ANKS1B: variants seen among roughly 807,000 people sequenced by gnomAD.
The protein encoded by ANKS1B is ankyrin repeat and sterile alpha motif domain-containing protein 1B.
In ANKS1B, 36 loss-of-function variants were observed where a neutral mutation model predicts 148.3. The observed-to-expected ratio is 0.24, with a 90% CI of 0.19 to 0.32. ANKS1B has a LOEUF of 0.32. ANKS1B is among the 10% of genes least tolerant of loss of function. ANKS1B has a pLI of 1.00. For missense variants in ANKS1B, 1,157 were observed against 1,542.6 expected, an observed-to-expected ratio of 0.75 and a Z score of 4.19; for synonymous variants, 542 against 560.8, an observed-to-expected ratio of 0.97 and a Z score of 0.47.
chr12:99,664,782 T>C (rs2098497755), intron 8 of ANKS1B, among the ~76,000 whole-genome samples: 3 of 152,196 alleles, frequency 2.0e-5, no homozygotes. Context: ...ATGTTTGGCA[T>C]AAGTTTTCTG....
intron 17 of ANKS1B, among the ~76,000 whole-genome samples, chr12:99,039,367 C>A (rs1282727565): frequency 6.6e-6 from 1 of 152,198 alleles, no homozygotes; most frequent in Non-Finnish European, 1.5e-5. Context: ...CTTTCTTTCC[C>A]ATTCCTCCCC....
At chr12:99,542,237 T>TA (rs1326627214) in intron 9 of ANKS1B, among the ~76,000 whole-genome samples, 3 of 152,044 alleles carry the variant, frequency 2.0e-5, no homozygotes, top group Non-Finnish European at 1.5e-5. Flanking sequence ...AGGACAATAC[T>TA]AAAAAAACCA....
chr12:99,357,024 G>A (rs2092054912), intron 12 of ANKS1B, among the ~76,000 whole-genome samples: 1 of 151,438 alleles, frequency 6.6e-6, no homozygotes, highest in Admixed American at 6.6e-5. Context: ...TAGGTGTACA[G>A]TGACAAACCT....
rs557097246 is a variant in ANKS1B at position 99,096,520 on chromosome 12, C to T, written c.2527-11497G>A. On this transcript the variant is annotated intron_variant, in intron 15 of 26. Coordinates refer to ENST00000683438, the MANE Select transcript of ANKS1B (RefSeq NM_001352186.2). Reference sequence around the variant, plus strand: ...GCAGACAGGCAGGAGGCTAACCCCACGAAGGGCTAAACTAAAAGCTGAGTA... The same window carrying T: ...GCAGACAGGCAGGAGGCTAACCCCATGAAGGGCTAAACTAAAAGCTGAGTA... 6.6e-5 allele frequency among the ~76,000 whole-genome samples: 10 copies of T among 152,194 alleles called. No homozygotes were observed. The East Asian group carries it at 9.7e-4, about 15-fold the overall frequency.
chr12:99,685,819 A>G (rs2098646360), intron 8 of ANKS1B, among the ~76,000 whole-genome samples: 1 of 152,218 alleles, frequency 6.6e-6, no homozygotes, highest in East Asian at 1.9e-4. Context: ...GAATGAAATA[A>G]TGGAATTCAC....
chr12:99,922,869 G>T (rs576329287), intron 1 of ANKS1B, among the ~76,000 whole-genome samples: 1 of 151,692 alleles, frequency 6.6e-6, no homozygotes, highest in African/African-American at 2.4e-5. Context: ...TCCACCATGA[G>T]ATAACACAGC....
At chr12:99,885,281 T>C (rs916640255) in intron 1 of ANKS1B, among the ~76,000 whole-genome samples, 2 of 151,728 alleles carry the variant, frequency 1.3e-5, no homozygotes, top group African/African-American at 4.8e-5. Flanking sequence ...CTGCCCAGTG[T>C]ACTCTTATTT....
intron 8 of ANKS1B, among the ~76,000 whole-genome samples, chr12:99,728,543 C>A (rs1468298083): frequency 6.6e-6 from 1 of 152,092 alleles, no homozygotes; most frequent in Non-Finnish European, 1.5e-5. Flanking sequence ...TAAATTAGTC[C>A]AACCATTGTG....
At chr12:99,461,110 C>T (rs1024047490) in intron 10 of ANKS1B, among the ~76,000 whole-genome samples, 15 of 151,182 alleles carry the variant, frequency 9.9e-5, no homozygotes, top group Admixed American at 2.6e-4. Flanking sequence ...TAAAAAGGAA[C>T]AAAATAATGG....
intron 9 of ANKS1B, among the ~76,000 whole-genome samples, chr12:99,519,251 T>C (rs1257856133): frequency 2.0e-5 from 3 of 152,092 alleles, no homozygotes; most frequent in Non-Finnish European, 4.4e-5. Context: ...ATGTATAGTA[T>C]AGATTAAGTT....
intron 17 of ANKS1B, among the ~76,000 whole-genome samples, chr12:98,930,376 G>C (rs757845345): frequency 3.4e-4 from 52 of 152,168 alleles, no homozygotes; most frequent in Non-Finnish European, 7.2e-4. Flanking sequence ...CAGTTCAGCA[G>C]TTCCTCAGAA....
At chr12:99,167,228 A>C (rs537706631) in intron 14 of ANKS1B, among the ~76,000 whole-genome samples, 43 of 152,192 alleles carry the variant, frequency 2.8e-4, no homozygotes, top group African/African-American at 1.0e-3. Context: ...ACAATTATAA[A>C]AGAAAAAAAT....
rs2152538822 is a variant in ANKS1B at position 98,883,841 on chromosome 12, T to G, written c.2779-51705A>C. ...GGATTATATGTGTTTGATATTGTTA[T>G]TTTTTATTAGTGTAATTATTATTAG... On this transcript the variant is annotated intron_variant, in intron 17 of 26. Transcript: ENST00000683438. Among the ~76,000 whole-genome samples, 2 of 152,254 alleles carry G rather than the reference T, an allele frequency of 1.3e-5. 1 individual carries two copies. Among genetic ancestry groups the G allele is most frequent in the South Asian group, 4.1e-4 (2 of 4,822 alleles).
At chr12:98,973,882 G>A (rs1417392048) in intron 17 of ANKS1B, among the ~76,000 whole-genome samples, 3 of 149,302 alleles carry the variant, frequency 2.0e-5, no homozygotes, top group Admixed American at 1.3e-4. Flanking sequence ...ATCTATATGC[G>A]ATATGTATAG....
At chr12:99,678,171 A>G (rs1210828061) in intron 8 of ANKS1B, among the ~76,000 whole-genome samples, 1 of 152,200 alleles carries the variant, frequency 6.6e-6, no homozygotes, top group East Asian at 1.9e-4. Context: ...ACAGGAGTGG[A>G]GTACATACTG....
At chr12:98,895,500 T>A in intron 17 of ANKS1B, among the ~76,000 whole-genome samples, 1 of 152,218 alleles carries the variant, frequency 6.6e-6, no homozygotes. Flanking sequence ...CTGCTCTGTC[T>A]GCCCCAGAGG....
At chr12:99,594,100 G>A (rs1233746555) in intron 9 of ANKS1B, among the ~76,000 whole-genome samples, 4 of 151,830 alleles carry the variant, frequency 2.6e-5, no homozygotes, top group African/African-American at 4.8e-5. Context: ...CTAAAATGGG[G>A]GTATTTATCT....
rs2097689005 is a variant in ANKS1B, at chr12:99,590,263, CACA to C, written c.1272+64801_1272+64803del. Among the ~76,000 whole-genome samples, 7 of 144,974 alleles carry C rather than the reference CACA, an allele frequency of 4.8e-5. 1 individual carries two copies. Among genetic ancestry groups the C allele is most frequent in the Middle Eastern group, 3.6e-3 (1 of 274 alleles). On this transcript the variant is annotated intron_variant, in intron 9 of 26. Coordinates refer to ENST00000683438, the MANE Select transcript of ANKS1B (RefSeq NM_001352186.2). ...TCACTCACACCCACACCCACCCACA[CACA>C]CACACACACACACACACACACACAC...
At chr12:99,333,854 G>GTTGTTTTTTTTTTT (rs1555391372) in intron 12 of ANKS1B, among the ~76,000 whole-genome samples, 1 of 107,484 alleles carries the variant, frequency 9.3e-6, no homozygotes, top group African/African-American at 4.0e-5. Context: ...CCAGTTCTCA[G>GTTGTTTTTTTTTTT]TTTTTTTTTT....
Sources: gnomAD v4.1 joint callset for allele counts (sites outside exome capture counted in the v4.1 genomes callset) on GRCh38, gnomAD v4.1.1 for gene constraint, MANE v1.5 for transcripts, NCBI Gene and HGNC (gene_info 2026-07-23, HGNC 2026-07-21) for gene names.